RABGAP1L: variants seen among roughly 807,000 people sequenced by gnomAD.
RABGAP1L encodes RAB GTPase activating protein 1 like, also known as rab GTPase-activating protein 1-like.
A neutral mutation model predicts 137.7 loss-of-function variants in RABGAP1L; 63 were observed. That is an observed-to-expected ratio of 0.46 (90% CI 0.37 to 0.56). RABGAP1L has a LOEUF of 0.56. Ranked by LOEUF, RABGAP1L falls within the 20% of genes least tolerant of loss-of-function variation. The pLI is 0.00. For synonymous variants in RABGAP1L, 431 were observed against 433.7 expected, an observed-to-expected ratio of 0.99 and a Z score of 0.08; for missense variants, 1,095 against 1,244.0, an observed-to-expected ratio of 0.88 and a Z score of 1.80.
intron 18 of RABGAP1L, among the ~76,000 whole-genome samples, chr1:174,780,669 T>C (rs1686916629): frequency 6.6e-6 from 1 of 151,302 alleles, no homozygotes; most frequent in East Asian, 2.0e-4. Flanking sequence ...GCTGCACCCA[T>C]TAACTCGTCA....
intron 4 of RABGAP1L, among the ~76,000 whole-genome samples, chr1:174,238,174 A>G (rs1042357363): frequency 3.3e-5 from 5 of 151,916 alleles, no homozygotes; most frequent in African/African-American, 9.7e-5. Context: ...ACATTCTTCT[A>G]AATTTTTTTC....
At chr1:174,252,384 GC>G (rs1310657217) in intron 6 of RABGAP1L, 95 bp from the exon 7 acceptor site, 2 of 1,444,206 alleles carry the variant, frequency 1.4e-6, no homozygotes. Context: ...GGGTGTTGTT[GC>G]TTAAATACTT....
chr1:174,651,326 A>G (rs1418679346), intron 14 of RABGAP1L, among the ~76,000 whole-genome samples: 1 of 152,164 alleles, frequency 6.6e-6, no homozygotes, highest in Non-Finnish European at 1.5e-5. Flanking sequence ...TTTGGGGTGA[A>G]GAGTTCTGTT....
intron 21 of RABGAP1L, among the ~76,000 whole-genome samples, chr1:174,973,674 C>T (rs1026693739): frequency 4.6e-5 from 7 of 151,862 alleles, no homozygotes; most frequent in Admixed American, 6.6e-5. Flanking sequence ...CGTGAGCCAC[C>T]GCGCCTGGCC....
intron 3 of RABGAP1L, among the ~76,000 whole-genome samples, chr1:174,228,124 A>C (rs145782605): frequency 6.6e-6 from 1 of 151,476 alleles, no homozygotes; most frequent in Non-Finnish European, 1.5e-5. Flanking sequence ...ATTTTGTTAG[A>C]TGTTTATCTT....
At chr1:174,922,527 T>C (rs1210250866) in intron 19 of RABGAP1L, 1 of 152,198 alleles carries the variant, frequency 6.6e-6, no homozygotes, top group Non-Finnish European at 1.5e-5. Flanking sequence ...TGGCTCTCTC[T>C]CGCAGCACTG....
At chr1:174,386,438 T>G (rs1440418756) in intron 12 of RABGAP1L, among the ~76,000 whole-genome samples, 1 of 152,116 alleles carries the variant, frequency 6.6e-6, no homozygotes, top group Non-Finnish European at 1.5e-5. Context: ...AGCCAGTTTC[T>G]GAATCTAAAC....
intron 12 of RABGAP1L, among the ~76,000 whole-genome samples, chr1:174,383,048 G>A (rs1173288923): frequency 1.0e-4 from 15 of 149,324 alleles, no homozygotes; most frequent in Middle Eastern, 3.4e-3. Flanking sequence ...AATACCCTGC[G>A]ATGTGAGGTG....
intron 14 of RABGAP1L, among the ~76,000 whole-genome samples, chr1:174,650,300 T>C (rs962953246): frequency 1.3e-5 from 2 of 152,120 alleles, no homozygotes; most frequent in African/African-American, 2.4e-5. Flanking sequence ...ATTCTCTTTT[T>C]TGGTTGTGTC....
chr1:174,526,279 T>C (rs1663864012), intron 13 of RABGAP1L, among the ~76,000 whole-genome samples: 2 of 152,176 alleles, frequency 1.3e-5, no homozygotes, highest in African/African-American at 4.8e-5. Flanking sequence ...TCAAAGATAT[T>C]GACCTATAGT....
intron 12 of RABGAP1L, among the ~76,000 whole-genome samples, chr1:174,372,443 T>A (rs1685184460): frequency 6.6e-6 from 1 of 152,134 alleles, no homozygotes; most frequent in Non-Finnish European, 1.5e-5. Flanking sequence ...TAACTTTTTT[T>A]ATAGAGGGTA....
intron 13 of RABGAP1L, among the ~76,000 whole-genome samples, chr1:174,497,144 T>C (rs1346922547): frequency 6.6e-6 from 1 of 152,228 alleles, no homozygotes; most frequent in Non-Finnish European, 1.5e-5. Context: ...CTATTAGCTT[T>C]AATATTAATA....
At chr1:174,892,157 C>T (rs1211352781) in intron 19 of RABGAP1L, among the ~76,000 whole-genome samples, 1 of 152,236 alleles carries the variant, frequency 6.6e-6, no homozygotes, top group African/African-American at 2.4e-5. Context: ...CGTGGTGGCT[C>T]TGGCCAGCTC....
intron 19 of RABGAP1L, among the ~76,000 whole-genome samples, chr1:174,855,834 ATAGAC>A (rs1182331522): frequency 6.6e-6 from 1 of 152,210 alleles, no homozygotes; most frequent in Non-Finnish European, 1.5e-5. Flanking sequence ...GTTTGTTACT[ATAGAC>A]TATTTACAGA....
intron 13 of RABGAP1L, among the ~76,000 whole-genome samples, chr1:174,423,033 A>G (rs977145044): frequency 1.3e-5 from 2 of 152,084 alleles, no homozygotes; most frequent in African/African-American, 4.8e-5. Flanking sequence ...TTTTTTCCCA[A>G]AATGTTTCAT....
At position 174,993,790 on chromosome 1, in the gene RABGAP1L, G is replaced by C. The variant is rs757469589; in HGVS notation, c.*3789G>C. 9 of 152,202 alleles carry C rather than the reference G, an allele frequency of 5.9e-5. No individual in the cohort carries two copies. Among genetic ancestry groups the C allele is most frequent in the Non-Finnish European group, 8.8e-5 (6 of 68,036 alleles). 9.4% of individuals were successfully genotyped at this position (152,202 alleles called of 1,614,324 possible). On this transcript the variant is annotated 3_prime_UTR_variant, in exon 26 of 26. Transcript: ENST00000681986. ...GGGAAAGAACACTTTTACTTGATTAGCAAGATGATTATATTATATAACTTG... is the reference window on the plus strand; with the variant it reads ...GGGAAAGAACACTTTTACTTGATTACCAAGATGATTATATTATATAACTTG...
chr1:174,337,621 C>G (rs373840197), intron 11 of RABGAP1L, among the ~76,000 whole-genome samples: 2 of 152,058 alleles, frequency 1.3e-5, no homozygotes, highest in African/African-American at 4.8e-5. Context: ...CAGAGAAGAA[C>G]CTGTGATATG....
At chr1:174,613,570 G>C (rs956532922) in intron 13 of RABGAP1L, among the ~76,000 whole-genome samples, 1 of 152,116 alleles carries the variant, frequency 6.6e-6, no homozygotes, top group African/African-American at 2.4e-5. Flanking sequence ...ATGGCTGTTA[G>C]GTCTGCTTGG....
At chr1:174,701,083 ATTC>A in intron 16 of RABGAP1L, 1 of 1,303,618 alleles carries the variant, frequency 7.7e-7, no homozygotes, top group Non-Finnish European at 1.0e-6. Context: ...TTTGTTTTTT[ATTC>A]TTCTTTTTGT....
Sources: allele counts gnomAD v4.1 joint callset (sites outside exome capture counted in the v4.1 genomes callset), GRCh38; gene constraint gnomAD v4.1.1; transcripts MANE v1.5; gene names NCBI Gene and HGNC (gene_info 2026-07-23, HGNC 2026-07-21).